TRIM27: variants seen among roughly 807,000 people sequenced by gnomAD.
TRIM27 encodes tripartite motif containing 27.
A neutral mutation model predicts 57.6 loss-of-function variants in TRIM27; 12 were observed. That is an observed-to-expected ratio of 0.21 (90% CI 0.13 to 0.34). TRIM27 has a LOEUF of 0.34. Ranked by LOEUF, TRIM27 falls within the 10% of genes least tolerant of loss-of-function variation. The probability of loss-of-function intolerance (pLI) is 1.00; values close to 1 mark genes in which losing one functional copy is unlikely to be tolerated. For synonymous variants in TRIM27, 266 were observed against 259.0 expected, an observed-to-expected ratio of 1.03 and a Z score of -0.26; for missense variants, 403 against 656.8, an observed-to-expected ratio of 0.61 and a Z score of 4.22.
chr6:28,908,757 C>T (rs912955055), intron 6 of TRIM27, 51 bp downstream of exon 6: 1 of 1,595,118 alleles, frequency 6.3e-7, no homozygotes, highest in Middle Eastern at 1.7e-4. Flanking sequence ...TGCAGATGTT[C>T]TTTTTTCCAA....
chr6:28,920,858 A>C (rs771393252), intron 2 of TRIM27, among the ~76,000 whole-genome samples: 1 of 152,174 alleles, frequency 6.6e-6, no homozygotes, highest in African/African-American at 2.4e-5. Context: ...GGAACAACCA[A>C]TAACAGCTTC....
rs1465589746 is a variant in TRIM27 at position 28,923,719 on chromosome 6, C to T, written c.-87G>A. ...ACTCTCCGGCGCTCTCTCCGGTTCGCTGTTCCTGAGAGGCACCGGGCGGAC... is the reference window on the plus strand; with the variant it reads ...ACTCTCCGGCGCTCTCTCCGGTTCGTTGTTCCTGAGAGGCACCGGGCGGAC... On this transcript the variant is annotated 5_prime_UTR_variant, in exon 1 of 8. Coordinates refer to ENST00000377199, the MANE Select transcript of TRIM27 (RefSeq NM_006510.5). 8 of 1,390,586 alleles carry T rather than the reference C, an allele frequency of 5.8e-6. No homozygotes were observed. The highest frequency in any genetic ancestry group is 7.6e-6 in the Non-Finnish European group (8 of 1,051,892). The allele number at this position is 1,390,586 out of a possible 1,614,324, so 86.1% of individuals were successfully genotyped here.
At chr6:28,921,841 C>G (rs900732960) in intron 2 of TRIM27, 51 bp downstream of exon 2, 5 of 1,437,532 alleles carry the variant, frequency 3.5e-6, no homozygotes, top group Middle Eastern at 4.0e-4. Context: ...ATCAGCTCTA[C>G]AGAAGAGGAG....
Position 28,904,524 on chromosome 6 carries a change from G to A in TRIM27, c.1088C>T (p.Ser363Phe). Residue 363 changes from serine to phenylalanine, a missense_variant, in exon 8 of 8, where the codon TCT (serine) becomes TTT (phenylalanine). By Grantham distance (155) the Ser-to-Phe change is radical (BLOSUM62 -2). Coordinates refer to ENST00000377199, the MANE Select transcript of TRIM27 (RefSeq NM_006510.5). The surrounding 1 kb of genome is among the most constrained non-coding windows in gnomAD (Gnocchi z 6.1). ...RFNLFPCVLG[S>F]PCFIAGRHYW... is the part of the protein sequence containing the mutation. ...ATGTCTCCCGGCGATGAAGCATGGA[G>A]AGCCCAAGACACAGGGAAACAGATT... The A allele has an allele frequency of 6.2e-7, 1 of 1,612,930 alleles. No homozygotes were observed. Among genetic ancestry groups the A allele is most frequent in the South Asian group, 1.1e-5 (1 of 91,062 alleles).
chr6:28,921,377 TAA>T (rs559386159), intron 2 of TRIM27, among the ~76,000 whole-genome samples: 161 of 142,776 alleles, frequency 1.1e-3, no homozygotes, highest in East Asian at 1.2e-3. Context: ...GACCCTGTCT[TAA>T]AAAAAAAAAA....
chr6:28,904,061 T>C lies in TRIM27; in HGVS notation c.*9A>G. The C allele has an allele frequency of 6.2e-7, 1 of 1,607,990 alleles. No individual in the cohort carries two copies. The highest frequency in any genetic ancestry group is 8.5e-7 in the Non-Finnish European group (1 of 1,176,610). On this transcript the variant is annotated 3_prime_UTR_variant, in exon 8 of 8. Coordinates refer to ENST00000377199, the MANE Select transcript of TRIM27 (RefSeq NM_006510.5). The surrounding 1 kb of genome is among the most constrained non-coding windows in gnomAD (Gnocchi z 6.1). The stretch of plus-strand genomic sequence containing the variant: ...CAGCCAACAGCCCTTTTGGCCTGAA[T>C]TCACCTCCTCAAGGGGAGGTCTCCA...
Position 28,904,348 on chromosome 6 carries a change from AG to A in TRIM27, c.1263del (p.Ser422ProfsTer3). 1 of 1,612,986 alleles carries A rather than the reference AG, an allele frequency of 6.2e-7. No individual in the cohort carries two copies. The highest frequency in any genetic ancestry group is 8.5e-7 in the Non-Finnish European group (1 of 1,180,010). On this transcript the variant is annotated frameshift_variant, in exon 8 of 8. Transcript: ENST00000377199. LOFTEE classifies it high-confidence loss of function. This position sits in a 1 kb window ranked among gnomAD's most constrained non-coding sequence, Gnocchi z 6.1. The stretch of plus-strand genomic sequence containing the variant: ...CGCAGGGGTAGGGCAGTCATTGGGG[AG>A]GTAAGAGCCCAATATTCTTTCCCAT... ...LWYGKEYWAL[T>X]SPMTALPLRT...
intron 3 of TRIM27, chr6:28,914,711 A>G (rs895145363): frequency 6.6e-6 from 1 of 151,934 alleles, no homozygotes; most frequent in Non-Finnish European, 1.5e-5. Flanking sequence ...AAAAAAAGAA[A>G]CTGCATTTAT....
intron 7 of TRIM27, chr6:28,906,840 A>G (rs1322950472): frequency 1.1e-5 from 2 of 177,080 alleles, no homozygotes; most frequent in African/African-American, 2.4e-5. Context: ...CAAGACTCCT[A>G]GACTTCCTCT....
chr6:28,917,425 A>G (rs142033196), intron 3 of TRIM27, among the ~76,000 whole-genome samples: 10,769 of 149,922 alleles, frequency 0.072, 478 homozygotes, highest in East Asian at 0.11. Flanking sequence ...AAAAAATACA[A>G]AAATTAGCTG....
At chr6:28,917,852 G>T (rs571749024) in intron 3 of TRIM27, among the ~76,000 whole-genome samples, 1 of 150,280 alleles carries the variant, frequency 6.7e-6, no homozygotes, top group East Asian at 2.0e-4. Flanking sequence ...TTTGGAGACA[G>T]GGTTTCGCTC....
rs1037981457 is a variant in TRIM27 at position 28,907,670 on chromosome 6, C to A, written c.920-408G>T. 10 of 489,566 alleles carry A rather than the reference C, an allele frequency of 2.0e-5. 1 individual carries two copies. The highest frequency in any genetic ancestry group is 1.5e-4 in the South Asian group (9 of 60,058). 30.3% of individuals were successfully genotyped at this position (489,566 alleles called of 1,614,324 possible). On this transcript the variant is annotated intron_variant, in intron 6 of 7. Transcript: ENST00000377199. ...GGCTCAAGTGACACTCACTGACACT[C>A]TGGGGTAAACATGACCATTCATTTA...
intron 4 of TRIM27, among the ~76,000 whole-genome samples, chr6:28,909,389 G>C (rs373499115): frequency 6.6e-6 from 1 of 152,236 alleles, no homozygotes; most frequent in Non-Finnish European, 1.5e-5. Flanking sequence ...TTACAGGCGT[G>C]AGCCACCACG....
intron 1 of TRIM27, 22 bp downstream of exon 1, chr6:28,923,191 C>A: frequency 1.3e-6 from 2 of 1,529,224 alleles, no homozygotes; most frequent in South Asian, 1.2e-5. Context: ...GCGCTCCCGC[C>A]CTCCCGGATC....
chr6:28,909,871 T>C (rs919688712), intron 4 of TRIM27, among the ~76,000 whole-genome samples: 1 of 152,206 alleles, frequency 6.6e-6, no homozygotes, highest in African/African-American at 2.4e-5. Flanking sequence ...TTCTGCCTTT[T>C]ATGGCTCACA....
At chr6:28,919,563 T>G (rs979519286) in intron 3 of TRIM27, among the ~76,000 whole-genome samples, 1 of 152,210 alleles carries the variant, frequency 6.6e-6, no homozygotes, top group Non-Finnish European at 1.5e-5. Flanking sequence ...ATCACAGGAC[T>G]GCTCAGGTAA....
chr6:28,921,857 C>A (rs1266209809), intron 2 of TRIM27, 35 bp downstream of exon 2: 19 of 1,535,938 alleles, frequency 1.2e-5, no homozygotes, highest in Admixed American at 1.7e-5. Context: ...AGGAGAGCAC[C>A]AGCAGAACCA....
At chr6:28,916,901 G>A (rs564643034) in intron 3 of TRIM27, among the ~76,000 whole-genome samples, 2 of 152,284 alleles carry the variant, frequency 1.3e-5, no homozygotes. Flanking sequence ...TAGCACTTTG[G>A]GAGGCTGAGG....
intron 3 of TRIM27, among the ~76,000 whole-genome samples, chr6:28,912,778 T>C (rs1022601629): frequency 6.6e-6 from 1 of 152,204 alleles, no homozygotes; most frequent in East Asian, 1.9e-4. Flanking sequence ...CAAAGTAAAT[T>C]CTTAGATTTT....
Sources: gnomAD v4.1 joint callset for allele counts (sites outside exome capture counted in the v4.1 genomes callset) on GRCh38, gnomAD v4.1.1 for gene constraint, Gnocchi (gnomAD v3.1) non-coding constraint, MANE v1.5 for transcripts, NCBI Gene and HGNC (gene_info 2026-07-23, HGNC 2026-07-21) for gene names.